MALRD1: variants seen among roughly 807,000 people sequenced by gnomAD.
MALRD1 encodes the protein MAM and LDL receptor class A domain containing 1.
A neutral mutation model predicts 242.1 loss-of-function variants in MALRD1; 247 were observed. The observed-to-expected ratio is 1.02, with a 90% CI of 0.92 to 1.13. The LOEUF is 1.13. Ranked by LOEUF, MALRD1 falls within the 50% of genes most tolerant of loss-of-function variation. The probability of loss-of-function intolerance (pLI) is 0.00; values close to 1 mark genes in which losing one functional copy is unlikely to be tolerated. For synonymous variants in MALRD1, 995 were observed against 866.6 expected (o/e 1.15, Z -2.60); for missense variants, 2,989 against 2,533.1 (o/e 1.18, Z -3.86).
intron 18 of MALRD1, among the ~76,000 whole-genome samples, chr10:19,246,123 ACTATAT>A (rs763472834): frequency 3.1e-4 from 47 of 152,224 alleles, no homozygotes; most frequent in African/African-American, 1.0e-3. Flanking sequence ...TAGACAACTG[ACTATAT>A]TAGTTTGCTG....
intron 36 of MALRD1, among the ~76,000 whole-genome samples, chr10:19,653,459 A>T (rs1001332008): frequency 6.6e-6 from 1 of 152,174 alleles, no homozygotes; most frequent in Admixed American, 6.6e-5. Flanking sequence ...TCAGCCTCCC[A>T]AAGCAAGATT....
At chr10:19,142,263 T>A (rs1833577776) in intron 10 of MALRD1, among the ~76,000 whole-genome samples, 1 of 149,296 alleles carries the variant, frequency 6.7e-6, no homozygotes, top group South Asian at 2.1e-4. Context: ...AGTGTAGCAA[T>A]GATCTGTGTG....
intron 28 of MALRD1, among the ~76,000 whole-genome samples, chr10:19,405,041 A>T (rs10128103): frequency 1.3e-5 from 2 of 152,054 alleles, no homozygotes; most frequent in African/African-American, 4.8e-5. Flanking sequence ...CATGACAACA[A>T]AAAAACCTGT....
rs990660466 is a variant in MALRD1 at position 19,259,019 on chromosome 10, T to C, written c.3079+1248T>C. On this transcript the variant is annotated intron_variant, in intron 19 of 39. Transcript: ENST00000454679. ...CCATGGTCCAAGCAACCAGTGTCTA[T>C]GCATGGATTATTGCAATTGCTTTTT... is the stretch of plus-strand genomic sequence containing the variant. Among the ~76,000 whole-genome samples the C allele has an allele frequency of 2.4e-4, 37 of 152,162 alleles. 1 individual carries two copies. The highest frequency in any genetic ancestry group is 2.0e-3 in the Admixed American group (31 of 15,264).
At chr10:19,163,630 C>A (rs1834540811) in intron 12 of MALRD1, among the ~76,000 whole-genome samples, 1 of 152,096 alleles carries the variant, frequency 6.6e-6, no homozygotes, top group Non-Finnish European at 1.5e-5. Context: ...AACAAATCTT[C>A]ACATGTACCC....
Position 19,216,378 on chromosome 10 carries a change from A to C in MALRD1, c.2991+6698A>C, listed in dbSNP as rs547652475. Among the ~76,000 whole-genome samples, 111 of 151,702 alleles carry C rather than the reference A, an allele frequency of 7.3e-4. 2 individuals are homozygous for C. The highest frequency in any genetic ancestry group is 6.8e-3 in the Middle Eastern group (2 of 294). On this transcript the variant is annotated intron_variant, in intron 18 of 39. Transcript: ENST00000454679. ...TGATCTGCCTGACTCGGCCTCCCAA[A>C]GCGCTGGGATTAAGGCATGAGCCAC...
At chr10:19,320,728 C>G (rs1444194442) in intron 21 of MALRD1, among the ~76,000 whole-genome samples, 3 of 152,116 alleles carry the variant, frequency 2.0e-5, no homozygotes, top group African/African-American at 7.2e-5. Context: ...CACATCCTCT[C>G]CAGCATCTGT....
At chr10:19,269,557 A>C (rs1840110965) in intron 19 of MALRD1, among the ~76,000 whole-genome samples, 1 of 152,230 alleles carries the variant, frequency 6.6e-6, no homozygotes, top group Non-Finnish European at 1.5e-5. Flanking sequence ...CCTCAGTCAC[A>C]CATGAAGAAC....
At chr10:19,433,773 G>A (rs1048605241) in intron 28 of MALRD1, among the ~76,000 whole-genome samples, 1 of 152,074 alleles carries the variant, frequency 6.6e-6, no homozygotes, top group East Asian at 1.9e-4. Flanking sequence ...TGTGACCACT[G>A]TGTAGACAGA....
intron 36 of MALRD1, among the ~76,000 whole-genome samples, chr10:19,691,602 A>T (rs561293090): frequency 6.6e-6 from 1 of 152,034 alleles, no homozygotes; most frequent in Non-Finnish European, 1.5e-5. Flanking sequence ...ATTTCAATAC[A>T]TTTACTGCTT....
At chr10:19,119,795 G>C (rs1343884059) in intron 5 of MALRD1, among the ~76,000 whole-genome samples, 1 of 152,180 alleles carries the variant, frequency 6.6e-6, no homozygotes, top group South Asian at 2.1e-4. Flanking sequence ...TTGGGAAAGG[G>C]CTGTTACCAT....
At chr10:19,158,851 T>G (rs1834276771) in intron 12 of MALRD1, among the ~76,000 whole-genome samples, 1 of 152,206 alleles carries the variant, frequency 6.6e-6, no homozygotes, top group African/African-American at 2.4e-5. Flanking sequence ...AAAGGCCATG[T>G]CTTACAATGT....
At chr10:19,668,282 C>T (rs772820613) in intron 36 of MALRD1, among the ~76,000 whole-genome samples, 1 of 152,102 alleles carries the variant, frequency 6.6e-6, no homozygotes, top group African/African-American at 2.4e-5. Flanking sequence ...CCCACTGTCA[C>T]CACAGAGTGA....
At chr10:19,552,639 G>A (rs1835535830) in intron 32 of MALRD1, among the ~76,000 whole-genome samples, 1 of 151,860 alleles carries the variant, frequency 6.6e-6, no homozygotes, top group Non-Finnish European at 1.5e-5. Context: ...AATAATCCTG[G>A]TTTTTGTAAG....
At chr10:19,585,690 G>T (rs1236452804) in intron 33 of MALRD1, among the ~76,000 whole-genome samples, 1 of 151,988 alleles carries the variant, frequency 6.6e-6, no homozygotes, top group Admixed American at 6.6e-5. Context: ...TGGTGAATCT[G>T]ACAATTATGT....
At chr10:19,507,036 C>T (rs1206931772) in intron 31 of MALRD1, among the ~76,000 whole-genome samples, 1 of 151,982 alleles carries the variant, frequency 6.6e-6, no homozygotes, top group African/African-American at 2.4e-5. Flanking sequence ...GGGGAGCAGG[C>T]ACAACGCATG....
intron 39 of MALRD1, among the ~76,000 whole-genome samples, chr10:19,732,159 A>C (rs887409932): frequency 3.3e-5 from 5 of 152,244 alleles, no homozygotes; most frequent in African/African-American, 1.2e-4. Flanking sequence ...CATGGATAAA[A>C]AAACACATAC....
At chr10:19,447,218 G>A (rs1053086431) in intron 28 of MALRD1, among the ~76,000 whole-genome samples, 7 of 151,990 alleles carry the variant, frequency 4.6e-5, no homozygotes, top group African/African-American at 1.5e-4. Flanking sequence ...TTTTGTCCCT[G>A]GCATCTAACA....
At chr10:19,494,370 A>G (rs149831409) in intron 30 of MALRD1, among the ~76,000 whole-genome samples, 1 of 152,342 alleles carries the variant, frequency 6.6e-6, no homozygotes, top group South Asian at 2.1e-4. Context: ...TCAAATGGCC[A>G]GAGTGTCTTC....
Sources: gnomAD v4.1 joint callset for allele counts (sites outside exome capture counted in the v4.1 genomes callset) on GRCh38, gnomAD v4.1.1 for gene constraint, MANE v1.5 for transcripts, NCBI Gene and HGNC (gene_info 2026-07-23, HGNC 2026-07-21) for gene names.